RASEF: variants seen among roughly 807,000 people sequenced by gnomAD.
RASEF encodes the protein ras and EF-hand domain-containing protein.
RASEF carries 68 observed loss-of-function variants against 90.1 expected under a neutral mutation model. That is an observed-to-expected ratio of 0.75 (90% CI 0.62 to 0.92). The LOEUF (loss-of-function observed/expected upper bound fraction) is 0.92, where lower values mean the gene tolerates loss of function less well. Ranked by LOEUF, RASEF falls within the 40% of genes least tolerant of loss-of-function variation. The pLI is 0.00. For synonymous variants in RASEF, 331 were observed against 345.2 expected (o/e 0.96, Z 0.46); for missense variants, 949 against 937.2 (o/e 1.01, Z -0.16).
the RASEF span, among the ~76,000 whole-genome samples, chr9:83,111,806 C>T: frequency 3.7e-4 from 56 of 151,664 alleles, no homozygotes; most frequent in East Asian, 7.9e-3. Context: ...GCCTTTTAAA[C>T]TAAAAACAAT....
chr9:83,197,637 A>G, the RASEF span, among the ~76,000 whole-genome samples: 29 of 152,206 alleles, frequency 1.9e-4, no homozygotes, highest in African/African-American at 5.8e-4. Flanking sequence ...TGCCACGAGT[A>G]CTCTTCCAAG....
chr9:83,048,591 A>AAAAAT, intron 1 of RASEF: 2 of 985,410 alleles, frequency 2.0e-6, no homozygotes. Context: ...TGAATGAATG[A>AAAAAT]AAAATAGGAA....
the RASEF span, among the ~76,000 whole-genome samples, chr9:83,141,997 C>T: frequency 3.3e-5 from 5 of 152,082 alleles, no homozygotes. Flanking sequence ...TTTTATAAAA[C>T]TATGTACAAA....
At chr9:83,195,358 T>C in the RASEF span, among the ~76,000 whole-genome samples, 2 of 152,176 alleles carry the variant, frequency 1.3e-5, no homozygotes, top group African/African-American at 4.8e-5. Flanking sequence ...CAATGATTAG[T>C]TGTCTGACAG....
the RASEF span, among the ~76,000 whole-genome samples, chr9:83,178,281 C>G: frequency 6.6e-6 from 1 of 152,174 alleles, no homozygotes; most frequent in African/African-American, 2.4e-5. Flanking sequence ...ACTATGCAGA[C>G]ACCTGCTAAT....
chr9:83,160,367 A>G, the RASEF span, among the ~76,000 whole-genome samples: 1 of 152,162 alleles, frequency 6.6e-6, no homozygotes, highest in Non-Finnish European at 1.5e-5. Context: ...TGGGAACTGG[A>G]GAAAAGGTGA....
chr9:83,093,833 G>A, the RASEF span, among the ~76,000 whole-genome samples: 7 of 152,254 alleles, frequency 4.6e-5, no homozygotes, highest in Non-Finnish European at 8.8e-5. Flanking sequence ...GAGAGCGAGC[G>A]AGGGGTGTGA....
chr9:83,008,586 C>G (rs1052046805), intron 6 of RASEF, among the ~76,000 whole-genome samples: 1 of 151,868 alleles, frequency 6.6e-6, no homozygotes, highest in Non-Finnish European at 1.5e-5. Context: ...TTGCGAAGGA[C>G]CAGGACAGTG....
chr9:83,006,120 C>A (rs546976346), intron 7 of RASEF, among the ~76,000 whole-genome samples: 16 of 152,344 alleles, frequency 1.1e-4, no homozygotes, highest in African/African-American at 3.8e-4. Flanking sequence ...AGTGGCTAAC[C>A]TTCCCCAGCT....
At chr9:83,047,950 T>C (rs1441471454) in intron 1 of RASEF, among the ~76,000 whole-genome samples, 3 of 152,186 alleles carry the variant, frequency 2.0e-5, no homozygotes, top group Non-Finnish European at 2.9e-5. Context: ...AAATTGGAAA[T>C]TTGCACTTAA....
At chr9:83,194,737 A>C in the RASEF span, among the ~76,000 whole-genome samples, 1 of 152,206 alleles carries the variant, frequency 6.6e-6, no homozygotes. Flanking sequence ...GCATGGCCTC[A>C]GGGACATTTA....
At chr9:83,217,059 T>C in the RASEF span, among the ~76,000 whole-genome samples, 3 of 152,144 alleles carry the variant, frequency 2.0e-5, no homozygotes. Context: ...ATGTGAGGCA[T>C]AAAGTCAAAG....
At chr9:83,041,136 C>T (rs967956352) in intron 1 of RASEF, among the ~76,000 whole-genome samples, 1 of 152,226 alleles carries the variant, frequency 6.6e-6, no homozygotes, top group African/African-American at 2.4e-5. Context: ...GCTGGGATTA[C>T]AGGCATGCGC....
In RASEF at chr9:82,997,251, G is replaced by A. The variant is rs1828938787; in HGVS notation, c.1806-125C>T. ...TGAGAAGACTCTAACTGCAATATAT[G>A]ACTGAGACATAGGCATTTCAAAGGT... On this transcript the variant is annotated intron_variant, in intron 13 of 16. Transcript: ENST00000376447. 12 of 655,040 alleles carry A rather than the reference G, an allele frequency of 1.8e-5. No homozygotes were observed. The Middle Eastern group carries it at 8.0e-4, about 44-fold the overall frequency. The allele number at this position is 655,040 out of a possible 1,614,324, so 40.6% of individuals were successfully genotyped here. A position where few individuals can be genotyped will look rare whatever the true frequency, so the allele number is the denominator to read the frequency against.
At chr9:83,123,955 C>T in the RASEF span, among the ~76,000 whole-genome samples, 7 of 146,872 alleles carry the variant, frequency 4.8e-5, no homozygotes, top group Admixed American at 3.3e-4. Context: ...CCATGAAACA[C>T]TAACTCTCCC....
chr9:83,075,026 T>A, the RASEF span, among the ~76,000 whole-genome samples: 1 of 152,256 alleles, frequency 6.6e-6, no homozygotes, highest in African/African-American at 2.4e-5. Flanking sequence ...GACCATCATC[T>A]GCATAACCTT....
intron 14 of RASEF, among the ~76,000 whole-genome samples, chr9:82,994,543 C>A (rs138046811): frequency 1.3e-3 from 201 of 152,298 alleles, no homozygotes; most frequent in African/African-American, 4.7e-3. Context: ...TGCTGCTTTT[C>A]ATCTGTCTCC....
the RASEF span, among the ~76,000 whole-genome samples, chr9:83,092,910 T>G: frequency 6.6e-6 from 1 of 152,028 alleles, no homozygotes; most frequent in Non-Finnish European, 1.5e-5. Flanking sequence ...AGATACAAAG[T>G]GTCAATTGGT....
chr9:83,113,553 G>A, the RASEF span, among the ~76,000 whole-genome samples: 1 of 152,190 alleles, frequency 6.6e-6, no homozygotes, highest in Admixed American at 6.5e-5. Flanking sequence ...ATGGATGTGT[G>A]AGTAGCAGAG....
Sources: allele counts gnomAD v4.1 joint callset (sites outside exome capture counted in the v4.1 genomes callset), GRCh38; gene constraint gnomAD v4.1.1; transcripts MANE v1.5; gene names NCBI Gene and HGNC (gene_info 2026-07-23, HGNC 2026-07-21).